Variants in VPS13C observed in about 807,000 individuals in gnomAD.
The protein encoded by VPS13C is vacuolar protein sorting 13 homolog C.
Under a neutral mutation model 456.8 loss-of-function variants are expected in VPS13C, and 358 were observed. The observed-to-expected ratio is 0.78, with a 90% CI of 0.72 to 0.86. The LOEUF is 0.86. VPS13C is among the 40% of genes least tolerant of loss of function. The pLI is 0.00. For missense variants in VPS13C, 4,818 were observed against 4,385.4 expected, an observed-to-expected ratio of 1.10 and a Z score of -2.79; for synonymous variants, 1,578 against 1,486.7, an observed-to-expected ratio of 1.06 and a Z score of -1.41.
chr15:61,915,896 G>A lies in VPS13C; in HGVS notation c.8182C>T (p.Arg2728Cys), dbSNP rs369555568. The change falls in exon 61 of 85, where the codon CGC becomes TGC. Residue 2728 changes from arginine to cysteine, a missense_variant. By Grantham distance (180) the Arg-to-Cys change is radical (BLOSUM62 -3). This residue lies in a region of VPS13C where 4,552 missense variants were observed against 4,130.6 expected (regional missense o/e 1.10). Transcript: ENST00000644861. ...AATTCTGGTAGTGTATCACGTATGC[G>A]GAAATGTCCATTCCAGTTTTTGCCC... ...YQGKNWNGHFRIRDTLPEFFP... is the reference protein window; with the variant it reads ...YQGKNWNGHFCIRDTLPEFFP... 1.7e-5 allele frequency: 27 copies of A among 1,613,668 alleles called. 1 individual carries two copies. In the Middle Eastern group the frequency reaches 4.9e-4, roughly 29 times the overall value.
chr15:61,866,361 T>C (rs968399427), intron 81 of VPS13C: 2 of 983,516 alleles, frequency 2.0e-6, no homozygotes, highest in African/African-American at 3.5e-5. Context: ...TCTTGAAGTT[T>C]TGTGCTTTTT....
chr15:62,047,120 C>G (rs144529587), intron 1 of VPS13C, among the ~76,000 whole-genome samples: 13 of 151,496 alleles, frequency 8.6e-5, no homozygotes, highest in Admixed American at 2.6e-4. Flanking sequence ...CCCCCAGACA[C>G]GTAAGAATAA....
At chr15:61,995,785 T>C (rs912175701) in intron 16 of VPS13C, among the ~76,000 whole-genome samples, 5 of 152,354 alleles carry the variant, frequency 3.3e-5, no homozygotes, top group Middle Eastern at 3.4e-3. Context: ...TCTTGCAATA[T>C]TTTAAAACCT....
intron 50 of VPS13C, 142 bp from the exon 51 acceptor site, chr15:61,929,890 C>T: frequency 1.2e-6 from 1 of 812,176 alleles, no homozygotes; most frequent in Non-Finnish European, 1.9e-6. Context: ...TAACTAGAAT[C>T]TAATTTATCC....
chr15:61,889,282 C>T (rs185940802), intron 67 of VPS13C, among the ~76,000 whole-genome samples: 1 of 152,040 alleles, frequency 6.6e-6, no homozygotes, highest in African/African-American at 2.4e-5. Context: ...TCATATAATA[C>T]TCAAATATAT....
chr15:61,954,353 A>G (rs944796845), intron 38 of VPS13C, 68 bp downstream of exon 38: 15 of 1,514,136 alleles, frequency 9.9e-6, no homozygotes, highest in Non-Finnish European at 1.3e-5. Flanking sequence ...CTGTAAGTTT[A>G]GTAGAGGTAA....
At chr15:62,055,362 G>T (rs965937768) in intron 1 of VPS13C, among the ~76,000 whole-genome samples, 1 of 151,470 alleles carries the variant, frequency 6.6e-6, no homozygotes, top group Non-Finnish European at 1.5e-5. Flanking sequence ...AGAGTAACTG[G>T]GACTACAGGC....
At position 61,867,509 on chromosome 15, in the gene VPS13C, G is replaced by A. The variant is rs186017930; in HGVS notation, c.10863+1150C>T. 2 of 991,502 alleles carry A rather than the reference G, an allele frequency of 2.0e-6. No individual in the cohort carries two copies. Among genetic ancestry groups the A allele is most frequent in the East Asian group, 1.1e-4 (1 of 8,972 alleles). 61.4% of individuals were successfully genotyped at this position (991,502 alleles called of 1,614,324 possible). On this transcript the variant is annotated intron_variant, in intron 81 of 84. Coordinates refer to ENST00000644861, the MANE Select transcript of VPS13C (RefSeq NM_020821.3). This position sits in a 1 kb window ranked among gnomAD's most constrained non-coding sequence, Gnocchi z 5.0. The stretch of plus-strand genomic sequence containing the variant: ...AGCCATTTGTGAAACAGAAAGCTAT[G>A]TAATTCCATCATCAAGACTCACAAA...
At chr15:61,955,901 A>G (rs1450179674) in intron 37 of VPS13C, among the ~76,000 whole-genome samples, 1 of 152,148 alleles carries the variant, frequency 6.6e-6, no homozygotes, top group Non-Finnish European at 1.5e-5. Flanking sequence ...TTCAGCCACT[A>G]TAGAAAGCAG....
chr15:61,896,818 GAC>G (rs1395537801), intron 66 of VPS13C, among the ~76,000 whole-genome samples: 6 of 152,230 alleles, frequency 3.9e-5, no homozygotes, highest in Admixed American at 3.3e-4. Flanking sequence ...CAAACAAAAA[GAC>G]AGCAGTAACC....
chr15:62,017,230 T>C (rs150464810), intron 9 of VPS13C, among the ~76,000 whole-genome samples: 118 of 152,318 alleles, frequency 7.7e-4, no homozygotes, highest in African/African-American at 2.7e-3. Context: ...TCCCATTCTG[T>C]AGGTTGCCTA....
rs1474028656 is a variant in VPS13C, at chr15:61,969,671, CTTCA to C, written c.2758-223_2758-220del. Among the ~76,000 whole-genome samples the C allele has an allele frequency of 3.9e-5, 6 of 152,190 alleles. No homozygotes were observed. In the East Asian group the frequency reaches 7.7e-4, roughly 20 times the overall value. ...ATAAAAAAATCATGACAGAATTTAA[CTTCA>C]TTGTTTACTTTTTCTAATTTAGTAA... On this transcript the variant is annotated intron_variant, in intron 27 of 84. Coordinates refer to ENST00000644861, the MANE Select transcript of VPS13C (RefSeq NM_020821.3).
intron 16 of VPS13C, among the ~76,000 whole-genome samples, chr15:61,994,454 C>T (rs2046316071): frequency 6.6e-6 from 1 of 152,042 alleles, no homozygotes; most frequent in South Asian, 2.1e-4. Flanking sequence ...GGGGAATTTG[C>T]CTGTGAGAAA....
chr15:62,001,688 T>G (rs1294049336), intron 15 of VPS13C, among the ~76,000 whole-genome samples: 3 of 152,050 alleles, frequency 2.0e-5, no homozygotes, highest in Admixed American at 6.5e-5. Context: ...CCCACAACAG[T>G]CCCCAGAGTG....
chr15:61,941,929 G>A lies in VPS13C; in HGVS notation c.5287C>T (p.Pro1763Ser), dbSNP rs371383668. The change falls in exon 46 of 85, where the codon CCA (proline) becomes TCA (serine). Residue 1763 changes from proline (P) to serine (S), a missense_variant. Coordinates refer to ENST00000644861, the MANE Select transcript of VPS13C (RefSeq NM_020821.3). ...GAAGACTGAGGAATAATAATAACTG[G>A]TGCTTTCAAATTAATATCCATCAAA... The part of the protein sequence containing the change: ...RLLMDINLKA[P>S]VIIIPQSSVS... 2 of 1,613,904 alleles carry A rather than the reference G, an allele frequency of 1.2e-6. No homozygotes were observed. Among genetic ancestry groups the A allele is most frequent in the African/African-American group, 1.3e-5 (1 of 75,008 alleles).
chr15:61,894,464 C>G (rs895022756), intron 66 of VPS13C, among the ~76,000 whole-genome samples: 5 of 151,574 alleles, frequency 3.3e-5, no homozygotes, highest in Non-Finnish European at 7.4e-5. Flanking sequence ...TATGGCCCAA[C>G]TATATGTTGT....
At position 61,907,223 on chromosome 15, in the gene VPS13C, G is replaced by C. The variant is rs548438108; in HGVS notation, c.9105+41C>G. ...AGATAGCTTCTCTACTTCCTTCACTGTCAGGTAACTCATATAGCACTCATT... is the reference window on the plus strand; with the variant it reads ...AGATAGCTTCTCTACTTCCTTCACTCTCAGGTAACTCATATAGCACTCATT... On this transcript the variant is annotated intron_variant, in intron 66 of 84. Coordinates refer to ENST00000644861, the MANE Select transcript of VPS13C (RefSeq NM_020821.3). 43 of 1,612,082 alleles carry C rather than the reference G, an allele frequency of 2.7e-5. No individual in the cohort carries two copies. In the South Asian group the frequency reaches 4.1e-4, roughly 15 times the overall value.
At chr15:61,934,595 A>C (rs1166194858) in intron 48 of VPS13C, among the ~76,000 whole-genome samples, 1 of 152,124 alleles carries the variant, frequency 6.6e-6, no homozygotes, top group Non-Finnish European at 1.5e-5. Flanking sequence ...AGGAGGCCTT[A>C]ATTTTCAAGG....
At chr15:61,962,962 T>G in intron 32 of VPS13C, 110 bp from the exon 33 acceptor site, 1 of 723,338 alleles carries the variant, frequency 1.4e-6, no homozygotes, top group Non-Finnish European at 2.1e-6. Flanking sequence ...TTAGCAATGT[T>G]TCAACTCCCA....
Sources: gnomAD v4.1 joint callset for allele counts (sites outside exome capture counted in the v4.1 genomes callset) on GRCh38, gnomAD v4.1.1 for gene constraint, gnomAD v4.1.1 regional missense constraint, Gnocchi (gnomAD v3.1) non-coding constraint, MANE v1.5 for transcripts, NCBI Gene and HGNC (gene_info 2026-07-23, HGNC 2026-07-21) for gene names.